The following RPH3A variants were observed in gnomAD, a reference collection of about 807,000 sequenced individuals.
RPH3A encodes the protein rabphilin-3A.
In RPH3A, 48 loss-of-function variants were observed where a neutral mutation model predicts 102.2. The ratio of observed to expected loss-of-function variants is 0.47; its 90% CI spans 0.37 to 0.60. The LOEUF (loss-of-function observed/expected upper bound fraction) is 0.60, where lower values mean the gene tolerates loss of function less well. Among genes scored for constraint, RPH3A ranks in the 20% least tolerant of loss-of-function variants. The pLI is 0.00. For synonymous variants in RPH3A, 310 were observed against 324.3 expected (o/e 0.96, Z 0.47); for missense variants, 781 against 910.1 (o/e 0.86, Z 1.83).
intron 2 of RPH3A, among the ~76,000 whole-genome samples, chr12:112,802,427 A>G (rs2041370950): frequency 6.6e-6 from 1 of 152,318 alleles, no homozygotes; most frequent in Middle Eastern, 3.4e-3. Context: ...AAATAAGATG[A>G]TGCCTAGTGT....
At chr12:112,616,595 G>A (rs233711) in intron 1 of RPH3A, among the ~76,000 whole-genome samples, 23,210 of 152,184 alleles carry the variant, frequency 0.15, 2,164 homozygotes, top group South Asian at 0.29. Flanking sequence ...GCAGTGGGAG[G>A]ATTAAAAAAT....
At chr12:112,764,618 A>G (rs2040875775) in intron 1 of RPH3A, among the ~76,000 whole-genome samples, 1 of 152,184 alleles carries the variant, frequency 6.6e-6, no homozygotes, top group Non-Finnish European at 1.5e-5. Context: ...ATTTTAGGGT[A>G]AAATATTTTT....
chr12:112,868,599 G>A lies in RPH3A; in HGVS notation c.610+4G>A. On this transcript the variant is annotated splice_donor_region_variant and intron_variant, in intron 8 of 21. Coordinates refer to ENST00000389385, the MANE Select transcript of RPH3A (RefSeq NM_001143854.2). ...CCTGCCCGGGCTCCAGCTCGAGGTA[G>A]GACAAAACAGGTGCTTCTTTCAGGA... 5.0e-6 allele frequency: 8 copies of A among 1,612,674 alleles called. No individual in the cohort carries two copies. Among genetic ancestry groups the A allele is most frequent in the African/African-American group, 1.3e-5 (1 of 74,994 alleles).
intron 4 of RPH3A, chr12:112,837,762 A>G (rs1053173005): frequency 1.1e-5 from 5 of 455,878 alleles, no homozygotes; most frequent in Non-Finnish European, 2.2e-5. Flanking sequence ...CATGACTCCA[A>G]AAGGTCTCAG....
intron 2 of RPH3A, among the ~76,000 whole-genome samples, chr12:112,824,986 G>C (rs921353296): frequency 5.7e-4 from 87 of 151,708 alleles, no homozygotes; most frequent in African/African-American, 2.1e-3. Context: ...CTGCAAAGCA[G>C]AAGATGAAAC....
chr12:112,847,418 A>G (rs1431329223), intron 4 of RPH3A, among the ~76,000 whole-genome samples: 1 of 152,184 alleles, frequency 6.6e-6, no homozygotes, highest in African/African-American at 2.4e-5. Flanking sequence ...GTAGAAGTCT[A>G]CTGTTCTGGA....
At chr12:112,627,683 C>A (rs954795872) in intron 1 of RPH3A, among the ~76,000 whole-genome samples, 7 of 151,844 alleles carry the variant, frequency 4.6e-5, no homozygotes, top group African/African-American at 1.7e-4. Flanking sequence ...GTGGTAGGTG[C>A]TATGGAGAAA....
intron 21 of RPH3A, 119 bp from the exon 22 acceptor site, chr12:112,896,531 T>G (rs2043181878): frequency 1.8e-6 from 2 of 1,133,644 alleles, no homozygotes; most frequent in African/African-American, 3.1e-5. Flanking sequence ...CTCTATAGAG[T>G]ATGGATCCCA....
At position 112,875,074 on chromosome 12, in the gene RPH3A, T is replaced by C; in HGVS notation, c.797-10T>C. On this transcript the variant is annotated splice_polypyrimidine_tract_variant and intron_variant, in intron 10 of 21. Coordinates refer to ENST00000389385, the MANE Select transcript of RPH3A (RefSeq NM_001143854.2). Reference sequence around the variant, plus strand: ...CACATAATGGCTGTTTTCTTTTCTTTCCTCTGCAGGTTTGAGACGGGCCAA... The same window carrying C: ...CACATAATGGCTGTTTTCTTTTCTTCCCTCTGCAGGTTTGAGACGGGCCAA... The C allele has an allele frequency of 4.4e-6, 7 of 1,600,602 alleles. No homozygotes were observed. Among genetic ancestry groups the C allele is most frequent in the Non-Finnish European group, 6.0e-6 (7 of 1,173,708 alleles).
chr12:112,649,761 A>G (rs531068546), intron 1 of RPH3A, among the ~76,000 whole-genome samples: 2 of 152,308 alleles, frequency 1.3e-5, no homozygotes, highest in East Asian at 3.9e-4. Flanking sequence ...TTTATTTCTC[A>G]CAGTTCTGGA....
intron 11 of RPH3A, 49 bp downstream of exon 11, chr12:112,875,219 T>A: frequency 7.0e-7 from 1 of 1,424,014 alleles, no homozygotes; most frequent in Non-Finnish European, 9.6e-7. Flanking sequence ...CACTCGGCTG[T>A]GACCCTCATA....
In RPH3A at chr12:112,669,144, C is replaced by T. The variant is rs1386373383; in HGVS notation, c.-140+93825C>T. Among the ~76,000 whole-genome samples, 3 of 152,164 alleles carry T rather than the reference C, an allele frequency of 2.0e-5. No homozygotes were observed. In the South Asian group the frequency reaches 6.2e-4, roughly 32 times the overall value. On this transcript the variant is annotated intron_variant, in intron 1 of 21. Coordinates refer to the RPH3A transcript ENST00000543106. ...GAGGTCATTGGGAATGAAGTCCAGC[C>T]CAAACTCCGTTTACCACAGGAGGCA... is the stretch of plus-strand genomic sequence containing the variant.
Position 112,667,436 on chromosome 12 carries a change from C to T in RPH3A, c.-140+92117C>T, listed in dbSNP as rs562642880. Among the ~76,000 whole-genome samples, 162 of 152,202 alleles carry T rather than the reference C, an allele frequency of 1.1e-3. 3 individuals carry two copies. In the South Asian group the frequency reaches 0.032, roughly 30 times the overall value. On this transcript the variant is annotated intron_variant, in intron 1 of 21. Coordinates refer to the RPH3A transcript ENST00000543106. ...CTTGGCAAATGGTATGACTCTCCAC[C>T]TAATTGCTCAGGCAGAAAATGCAGG...
intron 1 of RPH3A, among the ~76,000 whole-genome samples, chr12:112,578,332 G>T (rs964695448): frequency 1.3e-5 from 2 of 152,160 alleles, no homozygotes; most frequent in African/African-American, 4.8e-5. Flanking sequence ...ATCAAAGGGT[G>T]CTACTGACTT....
chr12:112,712,993 GTCTTCCTCT>G lies in RPH3A; in HGVS notation c.-139-79147_-139-79139del, dbSNP rs1565857068. On this transcript the variant is annotated intron_variant, in intron 1 of 21. Transcript: ENST00000543106. ...TTCTTCTTTCTTCTTCGTCGTCTTT[GTCTTCCTCT>G]TCCTCTTCCTCTTCCTCTTCCTCTT... 1.6e-3 allele frequency among the ~76,000 whole-genome samples: 93 copies of G among 59,010 alleles called. 6 individuals are homozygous for G. The highest frequency in any genetic ancestry group is 4.2e-3 in the African/African-American group (57 of 13,470). The allele number at this position is 59,010 out of a possible 152,430, so 38.7% of individuals were successfully genotyped here.
chr12:112,780,887 G>T (rs1306047374), intron 1 of RPH3A, among the ~76,000 whole-genome samples: 1 of 152,160 alleles, frequency 6.6e-6, no homozygotes, highest in Non-Finnish European at 1.5e-5. Context: ...GGGCATGGTG[G>T]CTCAAGCTGA....
At chr12:112,611,373 G>T (rs2039637764) in intron 1 of RPH3A, among the ~76,000 whole-genome samples, 1 of 152,200 alleles carries the variant, frequency 6.6e-6, no homozygotes, top group Non-Finnish European at 1.5e-5. Flanking sequence ...CCCTAGGAAA[G>T]GTGCAAGAAT....
chr12:112,722,922 G>T (rs926624923), intron 1 of RPH3A, among the ~76,000 whole-genome samples: 1 of 152,132 alleles, frequency 6.6e-6, no homozygotes, highest in African/African-American at 2.4e-5. Context: ...GTATTATTTT[G>T]GTCCTGTTAA....
At chr12:112,616,464 G>A (rs986961713) in intron 1 of RPH3A, among the ~76,000 whole-genome samples, 1 of 152,194 alleles carries the variant, frequency 6.6e-6, no homozygotes, top group African/African-American at 2.4e-5. Context: ...ATTCTTGAAT[G>A]TTCATGGCTG....
Sources: gnomAD v4.1 joint callset for allele counts (sites outside exome capture counted in the v4.1 genomes callset) on GRCh38, gnomAD v4.1.1 for gene constraint, MANE v1.5 for transcripts, NCBI Gene and HGNC (gene_info 2026-07-23, HGNC 2026-07-21) for gene names.